The following ICA1L variants were observed in gnomAD, a reference collection of about 807,000 sequenced individuals.
ICA1L encodes islet cell autoantigen 1 like.
A neutral mutation model predicts 61.3 loss-of-function variants in ICA1L; 50 were observed. The ratio of observed to expected loss-of-function variants is 0.82; its 90% CI spans 0.65 to 1.03. The LOEUF (loss-of-function observed/expected upper bound fraction) is 1.03, where lower values mean the gene tolerates loss of function less well. ICA1L is among the 50% of genes least tolerant of loss of function. The pLI, the probability that ICA1L is intolerant of heterozygous loss-of-function variation, is 0.00. For synonymous variants in ICA1L, 161 were observed against 191.3 expected (o/e 0.84, Z 1.31); for missense variants, 508 against 556.7 (o/e 0.91, Z 0.88).
chr2:202,850,749 G>T (rs942928450), intron 1 of ICA1L, among the ~76,000 whole-genome samples: 1 of 152,126 alleles, frequency 6.6e-6, no homozygotes, highest in African/African-American at 2.4e-5. Flanking sequence ...CCCCAACCTA[G>T]CAAGAAAGGT....
In ICA1L at chr2:202,825,736, T is replaced by C; in HGVS notation, c.194A>G (p.Glu65Gly). ...VFHSVQETCTELLKIIEKYQL... is the reference protein window; with the variant it reads ...VFHSVQETCTGLLKIIEKYQL... Reference sequence around the variant, plus strand: ...GTATTTCTCGATTATCTTCAGAAGTTCAGTGCATGTCTCTTGAACAGAGTG... The same window carrying C: ...GTATTTCTCGATTATCTTCAGAAGTCCAGTGCATGTCTCTTGAACAGAGTG... Residue 65 changes from glutamate to glycine, a missense_variant, in exon 3 of 13, where the codon GAA (glutamate) becomes GGA (glycine). Transcript: ENST00000358299. The C allele has an allele frequency of 6.3e-7, 1 of 1,586,282 alleles. No individual in the cohort carries two copies. The highest frequency in any genetic ancestry group is 8.6e-7 in the Non-Finnish European group (1 of 1,158,094).
chr2:202,867,876 A>C (rs903353923), intron 1 of ICA1L, among the ~76,000 whole-genome samples: 26 of 152,242 alleles, frequency 1.7e-4, no homozygotes, highest in Admixed American at 1.2e-3. Context: ...AAGATAAATG[A>C]AAAATATGCC....
intron 10 of ICA1L, 46 bp from the exon 11 acceptor site, chr2:202,789,133 A>T: frequency 6.8e-7 from 1 of 1,478,292 alleles, no homozygotes; most frequent in Non-Finnish European, 9.3e-7. Flanking sequence ...GATTTTAGGA[A>T]ATGAGAGTAA....
rs1692135494 is a variant in ICA1L, at chr2:202,774,003, T to C, written c.*5530A>G. 1.1e-6 allele frequency: 1 copy of C among 889,704 alleles called. No homozygotes were observed. The allele number at this position is 889,704 out of a possible 1,614,324, so 55.1% of individuals were successfully genotyped here. On this transcript the variant is annotated 3_prime_UTR_variant, in exon 13 of 13. Transcript: ENST00000358299. ...ATATGGTACTAAGAAGAGTTGGCTG[T>C]TTTATTTTTTTAAATTATGAACTAG...
chr2:202,864,627 A>ATG (rs566451955), intron 1 of ICA1L, among the ~76,000 whole-genome samples: 1,786 of 150,376 alleles, frequency 0.012, 24 homozygotes, highest in South Asian at 0.032. Flanking sequence ...GTATATATAT[A>ATG]TGTGTGTGTG....
At chr2:202,857,862 G>A (rs886093325) in intron 1 of ICA1L, among the ~76,000 whole-genome samples, 1 of 151,986 alleles carries the variant, frequency 6.6e-6, no homozygotes, top group Non-Finnish European at 1.5e-5. Context: ...AGAAACATAC[G>A]GAAAAAAAAC....
intron 1 of ICA1L, among the ~76,000 whole-genome samples, chr2:202,861,883 CAAAA>C (rs71030996): frequency 2.4e-5 from 1 of 40,924 alleles, no homozygotes; most frequent in Non-Finnish European, 4.1e-5. Context: ...GATTCAGACT[CAAAA>C]AAAAAAAAAA....
In ICA1L at chr2:202,841,781, TGGTTGATGCA is replaced by T. The variant is rs1486418813; in HGVS notation, c.-7-12775_-7-12766del. 4.5e-5 allele frequency: 19 copies of T among 418,476 alleles called. No homozygotes were observed. The East Asian group carries it at 1.1e-3, about 23-fold the overall frequency. The allele number at this position is 418,476 out of a possible 1,614,324, so 25.9% of individuals were successfully genotyped here. On this transcript the variant is annotated intron_variant, in intron 1 of 12. Transcript: ENST00000358299. ...GACTTCTGGGTCACCATGATGGACA[TGGTTGATGCA>T]GGAGTGGAGGCAGGTGGGCTGAACC...
rs535373598 is a variant in ICA1L, at chr2:202,802,333, G to T, written c.911-5369C>A. Reference sequence around the variant, plus strand: ...AAATATATGAGGAATTAATGAAAAGGTTCACCATAAGCTTATTAGAGTTCT... The same window carrying T: ...AAATATATGAGGAATTAATGAAAAGTTTCACCATAAGCTTATTAGAGTTCT... On this transcript the variant is annotated intron_variant, in intron 9 of 12. Coordinates refer to ENST00000358299, the MANE Select transcript of ICA1L (RefSeq NM_001288622.3). 2.6e-5 allele frequency among the ~76,000 whole-genome samples: 4 copies of T among 152,070 alleles called. No individual in the cohort carries two copies. In the East Asian group the frequency reaches 7.7e-4, roughly 29 times the overall value.
chr2:202,869,924 A>C (rs1172120047), intron 1 of ICA1L, among the ~76,000 whole-genome samples: 1 of 152,182 alleles, frequency 6.6e-6, no homozygotes, highest in Non-Finnish European at 1.5e-5. Flanking sequence ...AAATAGACAA[A>C]ATGGAAGAGG....
intron 11 of ICA1L, among the ~76,000 whole-genome samples, chr2:202,787,951 C>T (rs563324512): frequency 6.6e-6 from 1 of 152,310 alleles, no homozygotes; most frequent in South Asian, 2.1e-4. Flanking sequence ...CACGTCCAAG[C>T]TCCATTACTG....
At chr2:202,839,558 C>CTG (rs57535958) in intron 1 of ICA1L, among the ~76,000 whole-genome samples, 1,612 of 114,322 alleles carry the variant, frequency 0.014, 25 homozygotes, top group African/African-American at 0.039. Context: ...ACAGTTAAGT[C>CTG]TGTGTGTGTG....
At chr2:202,821,578 A>G in intron 3 of ICA1L, 97 bp from the exon 4 acceptor site, 2 of 839,904 alleles carry the variant, frequency 2.4e-6, no homozygotes, top group Non-Finnish European at 3.5e-6. Flanking sequence ...CTCTCTATAC[A>G]AGATTTACTT....
intron 1 of ICA1L, among the ~76,000 whole-genome samples, chr2:202,851,009 TC>T (rs1479544067): frequency 6.6e-6 from 1 of 151,862 alleles, no homozygotes; most frequent in Non-Finnish European, 1.5e-5. Flanking sequence ...AAAATAATTT[TC>T]TTTTTTTTTT....
At chr2:202,780,226 G>GA (rs1483864569) in intron 12 of ICA1L, among the ~76,000 whole-genome samples, 3 of 152,078 alleles carry the variant, frequency 2.0e-5, no homozygotes, top group Non-Finnish European at 4.4e-5. Context: ...AGACATAAGG[G>GA]AAAAAACTCC....
At chr2:202,837,527 T>TA (rs975468033) in intron 1 of ICA1L, among the ~76,000 whole-genome samples, 2 of 152,078 alleles carry the variant, frequency 1.3e-5, no homozygotes, top group African/African-American at 4.8e-5. Context: ...CACCTCAGCC[T>TA]CCCAAAGTGC....
intron 1 of ICA1L, chr2:202,870,890 G>GTCTTCCTTAGAGCATCAGGTA (rs1479221481): frequency 3.3e-5 from 5 of 152,120 alleles, no homozygotes; most frequent in Admixed American, 1.3e-4. Context: ...TCCCCTCTCC[G>GTCTTCCTTAGAGCATCAGGTA]TCTTCCTTAG....
chr2:202,866,895 C>T (rs1559153448), intron 1 of ICA1L, among the ~76,000 whole-genome samples: 1 of 151,928 alleles, frequency 6.6e-6, no homozygotes, highest in Non-Finnish European at 1.5e-5. Context: ...TGCAGTGAGC[C>T]GAGATCGTGC....
chr2:202,817,634 A>G (rs573627722), intron 5 of ICA1L, 91 bp from the exon 6 acceptor site: 1 of 573,054 alleles, frequency 1.7e-6, no homozygotes, highest in East Asian at 3.5e-5. Context: ...GGTTCATAAT[A>G]AATATTTTCA....
Sources: gnomAD v4.1 joint callset for allele counts (sites outside exome capture counted in the v4.1 genomes callset) on GRCh38, gnomAD v4.1.1 for gene constraint, MANE v1.5 for transcripts, NCBI Gene and HGNC (gene_info 2026-07-23, HGNC 2026-07-21) for gene names.